Variants in DPYD observed in about 807,000 individuals in gnomAD.
DPYD encodes the protein dihydropyrimidine dehydrogenase.
Under a neutral mutation model 116.2 loss-of-function variants are expected in DPYD, and 109 were observed. The ratio of observed to expected loss-of-function variants is 0.94; its 90% CI spans 0.80 to 1.10. The LOEUF is 1.10. DPYD is among the 50% of genes least tolerant of loss of function. DPYD has a pLI of 0.00. For missense variants in DPYD, 1,302 were observed against 1,254.5 expected (o/e 1.04, Z -0.57); for synonymous variants, 440 against 432.0 (o/e 1.02, Z -0.23).
chr1:97,700,581 A>T (rs1412596338), intron 5 of DPYD, among the ~76,000 whole-genome samples: 1 of 152,014 alleles, frequency 6.6e-6, no homozygotes, highest in Non-Finnish European at 1.5e-5. Context: ...TTATCTATGT[A>T]CCAAACGATA....
At position 97,298,107 on chromosome 1, in the gene DPYD, C is replaced by T. The variant is rs184703346; in HGVS notation, c.2299+7152G>A. ...TCTTATTTATTTATCAAATACTATA[C>T]CCCTCTAATTTTACCATTGCTTAAA... On this transcript the variant is annotated intron_variant, in intron 18 of 22. Transcript: ENST00000370192. Among the ~76,000 whole-genome samples the T allele has an allele frequency of 5.6e-3, 853 of 152,172 alleles. 3 individuals carry two copies. The highest frequency in any genetic ancestry group is 0.01 in the Non-Finnish European group (693 of 67,972).
intron 3 of DPYD, among the ~76,000 whole-genome samples, chr1:97,748,470 G>C (rs371308666): frequency 2.6e-5 from 4 of 152,032 alleles, no homozygotes; most frequent in African/African-American, 9.7e-5. Context: ...TTAGCCAGGC[G>C]TGGTGGCACG....
chr1:97,213,729 A>G (rs1660193164), intron 19 of DPYD, among the ~76,000 whole-genome samples: 2 of 152,124 alleles, frequency 1.3e-5, no homozygotes, highest in Admixed American at 1.3e-4. Context: ...CCTTTACAAA[A>G]TTGTCAATTG....
At chr1:97,851,105 G>T (rs1403853495) in intron 2 of DPYD, among the ~76,000 whole-genome samples, 1 of 151,814 alleles carries the variant, frequency 6.6e-6, no homozygotes, top group East Asian at 1.9e-4. Flanking sequence ...TGCTCAAGGA[G>T]ATATTATTTG....
intron 16 of DPYD, 87 bp from the exon 17 acceptor site, chr1:97,306,384 T>C (rs1667172963): frequency 6.4e-7 from 1 of 1,569,090 alleles, no homozygotes; most frequent in Non-Finnish European, 8.8e-7. Flanking sequence ...GCTGGAGACG[T>C]GCAAGACAAA....
chr1:97,238,456 G>T (rs1662102007), intron 18 of DPYD, among the ~76,000 whole-genome samples: 1 of 151,942 alleles, frequency 6.6e-6, no homozygotes, highest in African/African-American at 2.4e-5. Context: ...GAAAATGAAG[G>T]TATATAAAAA....
chr1:97,785,371 T>A (rs940025533), intron 3 of DPYD, among the ~76,000 whole-genome samples: 2 of 152,334 alleles, frequency 1.3e-5, no homozygotes, highest in Middle Eastern at 3.4e-3. Context: ...CATACTGTCA[T>A]ACAAATCAGT....
chr1:97,450,883 T>G (rs994154059), intron 13 of DPYD, among the ~76,000 whole-genome samples: 3 of 152,122 alleles, frequency 2.0e-5, no homozygotes, highest in African/African-American at 7.2e-5. Context: ...TTAACTTGCT[T>G]GTTAAGTGTA....
At position 97,300,418 on chromosome 1, in the gene DPYD, G is replaced by A. The variant is rs148190742; in HGVS notation, c.2299+4841C>T. ...GCATGTTTTTCTAAAAGCAATTTAT[G>A]CATCGATAATCATGTGATTGACACA... On this transcript the variant is annotated intron_variant, in intron 18 of 22. Coordinates refer to ENST00000370192, the MANE Select transcript of DPYD (RefSeq NM_000110.4). Among the ~76,000 whole-genome samples the A allele has an allele frequency of 2.2e-3, 335 of 152,068 alleles. 3 individuals are homozygous for A. Among genetic ancestry groups the A allele is most frequent in the African/African-American group, 7.7e-3 (321 of 41,526 alleles).
At chr1:97,754,245 G>A (rs528253914) in intron 3 of DPYD, among the ~76,000 whole-genome samples, 13 of 152,128 alleles carry the variant, frequency 8.5e-5, no homozygotes, top group Non-Finnish European at 1.3e-4. Context: ...TTCATTAAGA[G>A]AAGATTTTTT....
chr1:97,604,454 G>C lies in DPYD; in HGVS notation c.851-9288C>G, dbSNP rs528133634. 3.9e-5 allele frequency among the ~76,000 whole-genome samples: 6 copies of C among 152,024 alleles called. No individual in the cohort carries two copies. In the South Asian group the frequency reaches 6.2e-4, roughly 16 times the overall value. On this transcript the variant is annotated intron_variant, in intron 8 of 22. Transcript: ENST00000370192. ...ATTTTATCTGGTGATAATATTCATC[G>C]ATCAGTGTTATTTCATTTTAATTCT...
chr1:97,751,460 G>GTGTGTGTGTGTATA (rs763260651), intron 3 of DPYD, among the ~76,000 whole-genome samples: 9 of 21,290 alleles, frequency 4.2e-4, no homozygotes, highest in Non-Finnish European at 6.5e-4. Context: ...GTGTGTGTGT[G>GTGTGTGTGTGTATA]TATATATATA....
At chr1:97,188,038 T>C (rs1658115257) in intron 20 of DPYD, among the ~76,000 whole-genome samples, 1 of 152,196 alleles carries the variant, frequency 6.6e-6, no homozygotes, top group African/African-American at 2.4e-5. Flanking sequence ...TTGTCAAATT[T>C]GCTTTGGCTA....
At chr1:97,788,967 CT>C (rs1216228680) in intron 3 of DPYD, among the ~76,000 whole-genome samples, 3 of 152,012 alleles carry the variant, frequency 2.0e-5, no homozygotes, top group Non-Finnish European at 4.4e-5. Context: ...CCATGCCCGG[CT>C]AATTTTTGTA....
At chr1:97,249,598 T>A (rs567964048) in intron 18 of DPYD, among the ~76,000 whole-genome samples, 1 of 149,284 alleles carries the variant, frequency 6.7e-6, no homozygotes, top group Non-Finnish European at 1.5e-5. Context: ...ACGACTAATT[T>A]AAAAAAAAAA....
rs1304034463 is a variant in DPYD, at chr1:97,823,900, AAAACAAACAAGTAAAC to A, written c.233+4198_233+4213del. Among the ~76,000 whole-genome samples the A allele has an allele frequency of 6.0e-5, 9 of 150,140 alleles. No individual in the cohort carries two copies. In the East Asian group the frequency reaches 1.7e-3, roughly 29 times the overall value. ...TTTTTTTTTTTTTGTCCAAACAGCA[AAAACAAACAAGTAAAC>A]AAACAAACAAAAAAAACCTTTTATA... On this transcript the variant is annotated intron_variant, in intron 3 of 22. Transcript: ENST00000370192.
At chr1:97,231,630 A>T (rs981152317) in intron 19 of DPYD, among the ~76,000 whole-genome samples, 1 of 152,174 alleles carries the variant, frequency 6.6e-6, no homozygotes, top group African/African-American at 2.4e-5. Context: ...ACATATGGGG[A>T]TTATTACAAT....
intron 5 of DPYD, among the ~76,000 whole-genome samples, chr1:97,708,617 T>C (rs1426924780): frequency 2.0e-5 from 3 of 152,004 alleles, no homozygotes; most frequent in Admixed American, 6.6e-5. Flanking sequence ...ATTATGTTGG[T>C]TAATCTTTTG....
chr1:97,187,045 A>C (rs1222715136), intron 20 of DPYD, among the ~76,000 whole-genome samples: 1 of 152,152 alleles, frequency 6.6e-6, no homozygotes, highest in East Asian at 1.9e-4. Flanking sequence ...TAAACATATG[A>C]ATGTATTTTT....
Sources: gnomAD v4.1 joint callset for allele counts (sites outside exome capture counted in the v4.1 genomes callset) on GRCh38, gnomAD v4.1.1 for gene constraint, MANE v1.5 for transcripts, NCBI Gene and HGNC (gene_info 2026-07-23, HGNC 2026-07-21) for gene names.